Variants in ZNF831 observed in about 807,000 individuals in gnomAD.
The protein encoded by ZNF831 is zinc finger protein 831, also known as chromosome 20 open reading frame 174.
Under a neutral mutation model 95.8 loss-of-function variants are expected in ZNF831, and 59 were observed. The ratio of observed to expected loss-of-function variants is 0.62; its 90% CI spans 0.50 to 0.77. The LOEUF (loss-of-function observed/expected upper bound fraction) is 0.77, where lower values mean the gene tolerates loss of function less well. ZNF831 is among the 30% of genes least tolerant of loss of function. The pLI is 0.00. For synonymous variants in ZNF831, 961 were observed against 925.5 expected (o/e 1.04, Z -0.70); for missense variants, 2,205 against 2,164.0 (o/e 1.02, Z -0.38).
At chr20:59,233,914 CCCTCAT>C in intron 4 of ZNF831, among the ~76,000 whole-genome samples, 1 of 152,330 alleles carries the variant, frequency 6.6e-6, no homozygotes, top group East Asian at 1.9e-4. Context: ...CATGCAGCCA[CCCTCAT>C]CCCCACCTAC....
At position 59,211,054 on chromosome 20, in the gene ZNF831, A is replaced by G. The variant is rs1401555053; in HGVS notation, c.4027+3998A>G. On this transcript the variant is annotated intron_variant, in intron 4 of 5. Transcript: ENST00000371030. Reference sequence around the variant, plus strand: ...GACTCCGTCTCAAAAAAAAAGAAAAAAAAAAAAAAAACAAATCCAAGGAGA... The same window carrying G: ...GACTCCGTCTCAAAAAAAAAGAAAAGAAAAAAAAAAACAAATCCAAGGAGA... 2.5e-5 allele frequency among the ~76,000 whole-genome samples: 2 copies of G among 78,626 alleles called. 1 individual carries two copies. Among genetic ancestry groups the G allele is most frequent in the East Asian group, 9.9e-4 (2 of 2,014 alleles). 51.6% of individuals were successfully genotyped at this position (78,626 alleles called of 152,430 possible).
At chr20:59,237,885 C>G (rs1027273463) in intron 4 of ZNF831, among the ~76,000 whole-genome samples, 4 of 152,138 alleles carry the variant, frequency 2.6e-5, no homozygotes, top group Admixed American at 6.5e-5. Flanking sequence ...CTCGGCCAGC[C>G]CCTGCCCTGC....
At chr20:59,248,868 C>T (rs56085403) in intron 4 of ZNF831, among the ~76,000 whole-genome samples, 2 of 152,172 alleles carry the variant, frequency 1.3e-5, no homozygotes, top group Admixed American at 6.5e-5. Context: ...TCTCATCTGG[C>T]CCCTGGATTA....
intron 1 of ZNF831, among the ~76,000 whole-genome samples, chr20:59,188,533 T>G (rs922277005): frequency 6.6e-6 from 1 of 152,172 alleles, no homozygotes; most frequent in Admixed American, 6.5e-5. Flanking sequence ...GGTGCACGCC[T>G]GTAGTCCCAG....
Position 59,194,342 on chromosome 20 carries a change from G to T in ZNF831, c.3323G>T (p.Gly1108Val), listed in dbSNP as rs2146597870. Residue 1108 changes from glycine to valine, a missense_variant, in exon 2 of 6, where the codon GGG becomes GTG. Coordinates refer to ENST00000371030, the MANE Select transcript of ZNF831 (RefSeq NM_178457.3). ...AACTGGGAGCTGGGGGAGCCTCCTG[G>T]GAATGCCCCAGAAGATCCTTCTTCA... ...VPNWELGEPP[G>V]NAPEDPSSGP... 1.2e-6 allele frequency: 2 copies of T among 1,613,312 alleles called. No individual in the cohort carries two copies. Among genetic ancestry groups the T allele is most frequent in the Non-Finnish European group, 1.7e-6 (2 of 1,179,750 alleles).
intron 1 of ZNF831, among the ~76,000 whole-genome samples, chr20:59,167,890 A>T (rs1482084677): frequency 6.6e-6 from 1 of 151,930 alleles, no homozygotes; most frequent in East Asian, 1.9e-4. Context: ...AAAAAAAATC[A>T]GTTGGGTATA....
intron 4 of ZNF831, among the ~76,000 whole-genome samples, chr20:59,229,005 C>T (rs1986581450): frequency 1.3e-5 from 2 of 152,240 alleles, no homozygotes; most frequent in Non-Finnish European, 1.5e-5. Context: ...ATTCTACTCT[C>T]TACCTCTGTG....
rs755120604 is a variant in ZNF831, at chr20:59,194,415, C to G, written c.3396C>G (p.Ser1132=). 1 of 1,611,326 alleles carries G rather than the reference C, an allele frequency of 6.2e-7. No homozygotes were observed. The highest frequency in any genetic ancestry group is 1.1e-5 in the South Asian group (1 of 90,724). ...CGTGTTCCCCCCTCCAGCCTGGCTC[C>G]TTCCTCACTGCCCTCACTCGGCCTC... ...PDPCSPLQPG[S]FLTALTRPQG... is the part of the protein sequence containing the mutation. Residue 1132 remains serine, a synonymous_variant, in exon 2 of 6, where the codon TCC becomes TCG. Transcript: ENST00000371030.
chr20:59,222,851 T>G (rs1006186506), intron 4 of ZNF831, among the ~76,000 whole-genome samples: 6 of 152,114 alleles, frequency 3.9e-5, no homozygotes, highest in Admixed American at 2.0e-4. Context: ...TTATTTTATG[T>G]TCGTAGGGGT....
chr20:59,229,353 G>A (rs1986604241), intron 4 of ZNF831, among the ~76,000 whole-genome samples: 1 of 152,140 alleles, frequency 6.6e-6, no homozygotes, highest in Non-Finnish European at 1.5e-5. Context: ...GACCTAGATT[G>A]GGAACTGGCA....
intron 2 of ZNF831, among the ~76,000 whole-genome samples, chr20:59,155,615 C>G (rs950720205): frequency 6.6e-6 from 1 of 152,202 alleles, no homozygotes; most frequent in Admixed American, 6.5e-5. Flanking sequence ...AGCTGGCTTC[C>G]GCTGCCCAGC....
In ZNF831 at chr20:59,208,164, G is replaced by T. The variant is rs1389942698; in HGVS notation, c.4027+1108G>T. On this transcript the variant is annotated intron_variant, in intron 4 of 5. Coordinates refer to ENST00000371030, the MANE Select transcript of ZNF831 (RefSeq NM_178457.3). This position sits in a 1 kb window ranked among gnomAD's most constrained non-coding sequence, Gnocchi z 4.2. ...AGCCCCATGTGGGAGAGGCTGGGAT[G>T]CAGGGGGTTGGGTAGGTGGAAATTC... Among the ~76,000 whole-genome samples, 2 of 152,244 alleles carry T rather than the reference G, an allele frequency of 1.3e-5. No individual in the cohort carries two copies. Among genetic ancestry groups the T allele is most frequent in the Non-Finnish European group, 2.9e-5 (2 of 68,042 alleles).
upstream of ZNF831, among the ~76,000 whole-genome samples, chr20:59,161,102 G>T (rs910531275): frequency 6.6e-6 from 1 of 152,082 alleles, no homozygotes; most frequent in Non-Finnish European, 1.5e-5. Context: ...GGATTTATTT[G>T]TTATATTGAA....
chr20:59,140,573 G>T (rs936571845), intron 1 of ZNF831, among the ~76,000 whole-genome samples: 4 of 152,052 alleles, frequency 2.6e-5, no homozygotes, highest in African/African-American at 4.8e-5. Flanking sequence ...GTACAGAGAG[G>T]TCCCAGGGAC....
Position 59,253,869 on chromosome 20 carries a change from C to CCCTTTTTTT in ZNF831, c.4189-29_4189-28insCCTTTTTTT. Reference sequence around the variant, plus strand: ...TTGTACCAATTAACCTCCCCCCCCACTTTTTTTTTCCTTTGCACTTTGTTG... The same window carrying CCCTTTTTTT: ...TTGTACCAATTAACCTCCCCCCCCACCCTTTTTTTTTTTTTTTTCCTTTGCACTTTGTTG... On this transcript the variant is annotated intron_variant, in intron 5 of 5. Coordinates refer to ENST00000371030, the MANE Select transcript of ZNF831 (RefSeq NM_178457.3). The CCCTTTTTTT allele has an allele frequency of 5.6e-6, 6 of 1,067,572 alleles. No homozygotes were observed. In the South Asian group the frequency reaches 6.0e-5, roughly 11 times the overall value. The allele number at this position is 1,067,572 out of a possible 1,614,324, so 66.1% of individuals were successfully genotyped here. A position where few individuals can be genotyped will look rare whatever the true frequency, so the allele number is the denominator to read the frequency against.
intron 4 of ZNF831, among the ~76,000 whole-genome samples, chr20:59,215,681 C>A (rs1985631189): frequency 6.6e-6 from 1 of 152,240 alleles, no homozygotes. Flanking sequence ...AAATTGAAAT[C>A]ATCTAGGTGC....
At chr20:59,235,084 T>G (rs1234514952) in intron 4 of ZNF831, among the ~76,000 whole-genome samples, 1 of 152,106 alleles carries the variant, frequency 6.6e-6, no homozygotes, top group Admixed American at 6.5e-5. Context: ...TTTATGGCAC[T>G]TTGGAGGACT....
chr20:59,243,394 G>T (rs1008361275), intron 4 of ZNF831, among the ~76,000 whole-genome samples: 7 of 152,210 alleles, frequency 4.6e-5, no homozygotes, highest in African/African-American at 1.7e-4. Flanking sequence ...TATTATGTGA[G>T]GATGGTGACG....
At chr20:59,158,364 A>G (rs530933556) in intron 2 of ZNF831, among the ~76,000 whole-genome samples, 6 of 152,306 alleles carry the variant, frequency 3.9e-5, no homozygotes, top group Non-Finnish European at 7.4e-5. Flanking sequence ...TCCAGGGGGC[A>G]TTTATTTCCA....
Sources: gnomAD v4.1 joint callset for allele counts (sites outside exome capture counted in the v4.1 genomes callset) on GRCh38, gnomAD v4.1.1 for gene constraint, Gnocchi (gnomAD v3.1) non-coding constraint, MANE v1.5 for transcripts, NCBI Gene and HGNC (gene_info 2026-07-23, HGNC 2026-07-21) for gene names.